HNRNPA1: variants seen among roughly 807,000 people sequenced by gnomAD.
The protein encoded by HNRNPA1 is heterogeneous nuclear ribonucleoprotein A1.
In HNRNPA1, 7 loss-of-function variants were observed where a neutral mutation model predicts 44.4. The ratio of observed to expected loss-of-function variants is 0.16; its 90% confidence interval spans 0.09 to 0.30. The LOEUF is 0.30. Ranked by LOEUF, HNRNPA1 falls within the 10% of genes least tolerant of loss-of-function variation. The pLI is 1.00. For synonymous variants in HNRNPA1, 169 were observed against 160.6 expected, an observed-to-expected ratio of 1.05 and a Z score of -0.40; for missense variants, 193 against 465.8, an observed-to-expected ratio of 0.41 and a Z score of 5.39.
In HNRNPA1 at chr12:54,280,726, A is replaced by G; in HGVS notation, c.-82A>G. On this transcript the variant is annotated 5_prime_UTR_variant, in exon 1 of 11. Transcript: ENST00000340913. ...AAAGAGAGGGCGAAGGTAGGCTGGC[A>G]GATACGTTCGTCAGCTTGCTCCTTT... 6.6e-7 allele frequency: 1 copy of G among 1,518,704 alleles called. No individual in the cohort carries two copies. Among genetic ancestry groups the G allele is most frequent in the Non-Finnish European group, 9.1e-7 (1 of 1,093,494 alleles). The allele number at this position is 1,518,704 out of a possible 1,614,324, so 94.1% of individuals were successfully genotyped here.
chr12:54,282,918 G>A, intron 7 of HNRNPA1, 44 bp downstream of exon 7: 3 of 1,518,858 alleles, frequency 2.0e-6, no homozygotes, highest in Non-Finnish European at 2.7e-6. Flanking sequence ...CTGGCAACCT[G>A]GATCTTTAGA....
chr12:54,281,972 A>G (rs1944179614), intron 3 of HNRNPA1, 31 bp downstream of exon 3: 1 of 1,611,216 alleles, frequency 6.2e-7, no homozygotes, highest in Admixed American at 1.7e-5. Context: ...CTTCTTCTTA[A>G]ACTTACTTGG....
intron 7 of HNRNPA1, 51 bp downstream of exon 7, chr12:54,282,925 T>C: frequency 6.6e-7 from 1 of 1,506,290 alleles, no homozygotes; most frequent in Non-Finnish European, 9.0e-7. Flanking sequence ...CCTGGATCTT[T>C]AGAATAGGTT....
chr12:54,283,797 C>A lies in HNRNPA1; in HGVS notation c.908-15C>A, dbSNP rs745725520. 6.2e-7 allele frequency: 1 copy of A among 1,613,014 alleles called. No homozygotes were observed. The highest frequency in any genetic ancestry group is 8.5e-7 in the Non-Finnish European group (1 of 1,179,024). On this transcript the variant is annotated splice_polypyrimidine_tract_variant and intron_variant, in intron 8 of 10. Transcript: ENST00000340913. ...TCCTCAGGTAACAGATAAAGGCCCT[C>A]TTTCCCATTCATAGGAAGCAATTTT...
In HNRNPA1 at chr12:54,281,954, T is replaced by G; in HGVS notation, c.279+13T>G. On this transcript the variant is annotated intron_variant, in intron 3 of 10. Coordinates refer to ENST00000340913, the MANE Select transcript of HNRNPA1 (RefSeq NM_031157.4). ...TGTCTCCAGAGAAGTGAGTGGGTTT[T>G]TTTTCTTCTTCTTCTTAAACTTACT... 1 of 1,612,394 alleles carries G rather than the reference T, an allele frequency of 6.2e-7. No individual in the cohort carries two copies. The highest frequency in any genetic ancestry group is 8.5e-7 in the Non-Finnish European group (1 of 1,179,870).
At chr12:54,282,029 C>G (rs1944181592) in intron 3 of HNRNPA1, 61 bp from the exon 4 acceptor site, 1 of 1,597,302 alleles carries the variant, frequency 6.3e-7, no homozygotes, top group African/African-American at 1.4e-5. Flanking sequence ...CTAAACTTAC[C>G]AAAATTTTTT....
At chr12:54,281,222 A>G (rs1241845168) in intron 1 of HNRNPA1, 164 bp from the exon 2 acceptor site, 2 of 705,048 alleles carry the variant, frequency 2.8e-6, no homozygotes, top group Non-Finnish European at 5.2e-6. Flanking sequence ...AGCACTCCCA[A>G]CTCCAGCATA....
rs539863165 is a variant in HNRNPA1 at position 54,283,202 on chromosome 12, A to ACGGAGG, written c.885_890dup (p.Gly296_Gly297dup). 14 of 1,611,220 alleles carry ACGGAGG rather than the reference A, an allele frequency of 8.7e-6. No homozygotes were observed. The highest frequency in any genetic ancestry group is 2.2e-5 in the East Asian group (1 of 44,866). On this transcript the variant is annotated inframe_insertion, in exon 8 of 11. Transcript: ENST00000340913. ...AGTGGCAGCTATGACAGCTATAACA[A>ACGGAGG]CGGAGGCGGAGGCGGCTTTGGCGGT...
In HNRNPA1 at chr12:54,283,110, T is replaced by G; in HGVS notation, c.783T>G (p.Ser261=). 1.9e-6 allele frequency: 3 copies of G among 1,613,510 alleles called. No homozygotes were observed. Among genetic ancestry groups the G allele is most frequent in the Non-Finnish European group, 1.7e-6 (2 of 1,179,772 alleles). ...ATGGAGGAGGCGGCCCTGGTTACTC[T>G]GGAGGAAGCAGAGGCTATGGAAGTG... The part of the protein sequence containing the change: ...GGYGGGGPGY[S]GGSRGYGSGG... The change falls in exon 8 of 11, where the codon TCT becomes TCG. Residue 261 remains serine, a synonymous_variant. Coordinates refer to ENST00000340913, the MANE Select transcript of HNRNPA1 (RefSeq NM_031157.4).
At position 54,283,022 on chromosome 12, in the gene HNRNPA1, C is replaced by T. The variant is rs1034492802; in HGVS notation, c.752-57C>T. 9 of 1,585,362 alleles carry T rather than the reference C, an allele frequency of 5.7e-6. No individual in the cohort carries two copies. The African/African-American group carries it at 1.1e-4, about 19-fold the overall frequency. On this transcript the variant is annotated intron_variant, in intron 7 of 10. Coordinates refer to ENST00000340913, the MANE Select transcript of HNRNPA1 (RefSeq NM_031157.4). ...AGCAGGCCTTCAGCCGTTACACTTG[C>T]ACAAGTTTTCATTGTCAAATACTTT...
At chr12:54,281,999 A>C in intron 3 of HNRNPA1, 58 bp downstream of exon 3, 1 of 1,603,314 alleles carries the variant, frequency 6.2e-7, no homozygotes, top group Admixed American at 1.7e-5. Context: ...GCTGCTATGG[A>C]CTTAAGATTC....
Position 54,283,068 on chromosome 12 carries a change from T to C in HNRNPA1, c.752-11T>C. The stretch of plus-strand genomic sequence containing the variant: ...ACTTTTGTCTTATTGAGAAGAATTG[T>C]ATTCTTGTAGGTGGTTATGGAGGAG... On this transcript the variant is annotated splice_polypyrimidine_tract_variant and intron_variant, in intron 7 of 10. Transcript: ENST00000340913. The C allele has an allele frequency of 6.2e-7, 1 of 1,611,826 alleles. No homozygotes were observed. Among genetic ancestry groups the C allele is most frequent in the Non-Finnish European group, 8.5e-7 (1 of 1,179,272 alleles).
chr12:54,284,906 C>T lies in HNRNPA1; in HGVS notation c.*362C>T. 8.0e-6 allele frequency: 2 copies of T among 250,234 alleles called. No homozygotes were observed. The highest frequency in any genetic ancestry group is 1.6e-5 in the Non-Finnish European group (2 of 124,574). 15.5% of individuals were successfully genotyped at this position (250,234 alleles called of 1,614,324 possible). ...ATGTGCTGTGTAAAGTTAGTCTACT[C>T]TTAAGCCATCTTGGTAAATTTCCCC... is the stretch of plus-strand genomic sequence containing the variant. On this transcript the variant is annotated 3_prime_UTR_variant, in exon 11 of 11. Transcript: ENST00000340913.
intron 8 of HNRNPA1, 81 bp downstream of exon 8, chr12:54,283,315 T>C (rs1256749015): frequency 6.8e-7 from 1 of 1,469,224 alleles, no homozygotes; most frequent in Non-Finnish European, 9.4e-7. Flanking sequence ...TGTTGAAGCA[T>C]TGTGTGGTAC....
intron 1 of HNRNPA1, 61 bp from the exon 2 acceptor site, chr12:54,281,325 C>A: frequency 1.1e-6 from 1 of 937,932 alleles, no homozygotes; most frequent in Non-Finnish European, 1.7e-6. Context: ...TTTTTCTTTT[C>A]CTCGATGGAA....
At chr12:54,284,464 TTG>T in intron 10 of HNRNPA1, 83 bp from the exon 11 acceptor site, 1 of 820,624 alleles carries the variant, frequency 1.2e-6, no homozygotes. Context: ...TCAGCAAAAT[TTG>T]TGGGAAACAA....
intron 9 of HNRNPA1, 73 bp from the exon 10 acceptor site, chr12:54,284,185 C>G: frequency 6.6e-7 from 1 of 1,520,278 alleles, no homozygotes; most frequent in Non-Finnish European, 9.1e-7. Flanking sequence ...TTGAATTTAA[C>G]TTTTATTATC....
intron 8 of HNRNPA1, 37 bp from the exon 9 acceptor site, chr12:54,283,775 T>A: frequency 6.3e-7 from 1 of 1,597,384 alleles, no homozygotes; most frequent in Non-Finnish European, 8.6e-7. Context: ...AACATCATCC[T>A]CAGGTAACAG....
At chr12:54,280,941 C>T (rs1325476732) in intron 1 of HNRNPA1, 119 bp downstream of exon 1, 7 of 1,082,188 alleles carry the variant, frequency 6.5e-6, no homozygotes, top group African/African-American at 4.6e-5. Context: ...GTCGCTGCCA[C>T]GGCCTACCCC....
Sources: allele counts gnomAD v4.1 joint callset, GRCh38; gene constraint gnomAD v4.1.1; transcripts MANE v1.5; gene names NCBI Gene and HGNC (gene_info 2026-07-23, HGNC 2026-07-21).